PEPD: variants seen among roughly 807,000 people sequenced by gnomAD.
PEPD encodes the protein xaa-Pro dipeptidase.
PEPD carries 53 observed loss-of-function variants against 60.7 expected under a neutral mutation model. That is an observed-to-expected ratio of 0.87 (90% CI 0.70 to 1.10). The LOEUF is 1.10. Ranked by LOEUF, PEPD falls within the 50% of genes least tolerant of loss-of-function variation. PEPD has a pLI of 0.00. For synonymous variants in PEPD, 267 were observed against 284.1 expected (o/e 0.94, Z 0.60); for missense variants, 711 against 711.9 (o/e 1.00, Z 0.01).
chr19:33,428,242 C>G (rs1454115552), intron 9 of PEPD, among the ~76,000 whole-genome samples: 1 of 152,204 alleles, frequency 6.6e-6, no homozygotes, highest in Non-Finnish European at 1.5e-5. Flanking sequence ...GAGTCACGCC[C>G]GTGGATGCCG....
chr19:33,465,293 G>A (rs900189998), intron 7 of PEPD, among the ~76,000 whole-genome samples: 1 of 152,146 alleles, frequency 6.6e-6, no homozygotes, highest in Non-Finnish European at 1.5e-5. Flanking sequence ...TTACTCCCCA[G>A]TATTCATGAC....
intron 3 of PEPD, among the ~76,000 whole-genome samples, chr19:33,502,421 C>A (rs1042712449): frequency 3.3e-5 from 5 of 152,190 alleles, no homozygotes; most frequent in African/African-American, 1.2e-4. Context: ...GGCGTTAGGG[C>A]TTTTTCATGC....
At chr19:33,488,679 T>C (rs897545417) in intron 6 of PEPD, among the ~76,000 whole-genome samples, 17 of 152,052 alleles carry the variant, frequency 1.1e-4, no homozygotes, top group African/African-American at 3.4e-4. Flanking sequence ...GCAAACCTAC[T>C]ACCCGCCCCT....
chr19:33,505,593 G>A (rs1290794199), intron 3 of PEPD, among the ~76,000 whole-genome samples: 1 of 151,930 alleles, frequency 6.6e-6, no homozygotes, highest in Non-Finnish European at 1.5e-5. Context: ...GGAGGCACCA[G>A]AGAGGCTGGG....
At chr19:33,447,240 T>G (rs1211116992) in intron 9 of PEPD, among the ~76,000 whole-genome samples, 3 of 152,170 alleles carry the variant, frequency 2.0e-5, no homozygotes, top group Non-Finnish European at 4.4e-5. Context: ...GGCACACTCA[T>G]GGAGGGTGGC....
At chr19:33,439,604 T>C (rs1255764630) in intron 9 of PEPD, among the ~76,000 whole-genome samples, 1 of 152,164 alleles carries the variant, frequency 6.6e-6, no homozygotes, top group Non-Finnish European at 1.5e-5. Flanking sequence ...TTTAGCTCCT[T>C]GGGAGCTCTC....
chr19:33,513,733 A>AC (rs1314055889), intron 1 of PEPD, among the ~76,000 whole-genome samples: 1 of 151,584 alleles, frequency 6.6e-6, no homozygotes, highest in Non-Finnish European at 1.5e-5. Context: ...AGGGATCCAG[A>AC]CCCCCAGTTC....
intron 9 of PEPD, among the ~76,000 whole-genome samples, chr19:33,421,600 C>A (rs1302021912): frequency 6.6e-6 from 1 of 152,126 alleles, no homozygotes. Context: ...AAGTGATTCT[C>A]CCCCTTCAGT....
intron 9 of PEPD, among the ~76,000 whole-genome samples, chr19:33,422,754 AACCT>A (rs1367686013): frequency 1.3e-5 from 2 of 149,738 alleles, no homozygotes; most frequent in African/African-American, 2.5e-5. Flanking sequence ...TATTTCTGTC[AACCT>A]ACCTACTTAT....
At chr19:33,465,026 T>C (rs1401321567) in intron 7 of PEPD, among the ~76,000 whole-genome samples, 2 of 151,816 alleles carry the variant, frequency 1.3e-5, no homozygotes, top group East Asian at 3.9e-4. Context: ...AGATCCCTAC[T>C]CTGTGCCTCG....
chr19:33,518,148 G>A (rs753022614), intron 1 of PEPD, among the ~76,000 whole-genome samples: 5 of 152,108 alleles, frequency 3.3e-5, no homozygotes, highest in Non-Finnish European at 5.9e-5. Flanking sequence ...GGGTTGCCAC[G>A]GCGGAACAGG....
chr19:33,469,139 C>T (rs1018190196), intron 7 of PEPD, among the ~76,000 whole-genome samples: 1 of 152,148 alleles, frequency 6.6e-6, no homozygotes, highest in African/African-American at 2.4e-5. Context: ...CCCTCCAACC[C>T]CTTACTTTCT....
At chr19:33,466,545 G>A (rs1970020232) in intron 7 of PEPD, among the ~76,000 whole-genome samples, 1 of 152,166 alleles carries the variant, frequency 6.6e-6, no homozygotes. Context: ...ACCAACACAA[G>A]CGAACAACCA....
At chr19:33,456,475 G>A (rs1969803064) in intron 9 of PEPD, among the ~76,000 whole-genome samples, 1 of 152,158 alleles carries the variant, frequency 6.6e-6, no homozygotes, top group Admixed American at 6.5e-5. Flanking sequence ...GATAGGCTGG[G>A]GCCCGTCTCC....
intron 12 of PEPD, among the ~76,000 whole-genome samples, chr19:33,392,013 A>C (rs1968234511): frequency 6.6e-6 from 1 of 152,174 alleles, no homozygotes; most frequent in Non-Finnish European, 1.5e-5. Context: ...CACATCCCAG[A>C]ATGGGGATGA....
intron 12 of PEPD, among the ~76,000 whole-genome samples, chr19:33,394,351 C>T (rs998566858): frequency 2.0e-5 from 3 of 152,144 alleles, no homozygotes; most frequent in Non-Finnish European, 4.4e-5. Flanking sequence ...TCATGCTCTG[C>T]GGTGGCCCTT....
chr19:33,393,218 G>C (rs1048170866), intron 12 of PEPD, among the ~76,000 whole-genome samples: 2 of 138,728 alleles, frequency 1.4e-5, no homozygotes, highest in Non-Finnish European at 3.1e-5. Context: ...GTCTGGCGTC[G>C]GGGAGGCCGT....
intron 1 of PEPD, among the ~76,000 whole-genome samples, chr19:33,519,798 G>C (rs1971097758): frequency 6.6e-6 from 1 of 152,190 alleles, no homozygotes; most frequent in African/African-American, 2.4e-5. Context: ...AGGCGTGGTG[G>C]CTCACACCTG....
At chr19:33,436,354 C>A (rs553894594) in intron 9 of PEPD, among the ~76,000 whole-genome samples, 1 of 152,260 alleles carries the variant, frequency 6.6e-6, no homozygotes, top group South Asian at 2.1e-4. Flanking sequence ...CCATGCCCTG[C>A]CTAAGAGGCA....
Sources: gnomAD v4.1 joint callset for allele counts (sites outside exome capture counted in the v4.1 genomes callset) on GRCh38, gnomAD v4.1.1 for gene constraint, MANE v1.5 for transcripts, NCBI Gene and HGNC (gene_info 2026-07-23, HGNC 2026-07-21) for gene names.